XRCC4: variants seen among roughly 807,000 people sequenced by gnomAD.
XRCC4 encodes the protein DNA repair protein XRCC4.
XRCC4 carries 28 observed loss-of-function variants against 39.1 expected under a neutral mutation model. The ratio of observed to expected loss-of-function variants is 0.72; its 90% CI spans 0.53 to 0.98. The LOEUF is 0.98. Among genes scored for constraint, XRCC4 ranks in the 50% least tolerant of loss-of-function variants. The pLI, the probability that XRCC4 is intolerant of heterozygous loss-of-function variation, is 0.00. For missense variants in XRCC4, 350 were observed against 376.4 expected, an observed-to-expected ratio of 0.93 and a Z score of 0.58; for synonymous variants, 123 against 126.4, an observed-to-expected ratio of 0.97 and a Z score of 0.18.
chr5:83,103,950 C>T (rs1471345894), intron 1 of XRCC4, among the ~76,000 whole-genome samples: 1 of 152,200 alleles, frequency 6.6e-6, no homozygotes, highest in Non-Finnish European at 1.5e-5. Flanking sequence ...CAATGTTCTG[C>T]TTCTTGATCT....
intron 7 of XRCC4, among the ~76,000 whole-genome samples, chr5:83,341,232 C>T (rs10061086): frequency 0.029 from 4,329 of 151,806 alleles, 208 homozygotes; most frequent in African/African-American, 0.1. Flanking sequence ...AGAGAATATT[C>T]AGCAAAAGTA....
At position 83,176,032 on chromosome 5, in the gene XRCC4, AAAT is replaced by A. The variant is rs201674012; in HGVS notation, c.316-19719_316-19717del. 5.9e-4 allele frequency among the ~76,000 whole-genome samples: 90 copies of A among 151,690 alleles called. 3 individuals carry two copies. In the East Asian group the frequency reaches 0.015, roughly 26 times the overall value. The stretch of plus-strand genomic sequence containing the variant: ...GACAGAGTGAGACCCTGTCTATATA[AAAT>A]AATAATAATAATAATAATGATTTAA... On this transcript the variant is annotated intron_variant, in intron 3 of 7. Transcript: ENST00000396027.
chr5:83,206,038 G>T (rs1189964407), intron 6 of XRCC4, among the ~76,000 whole-genome samples: 1 of 152,156 alleles, frequency 6.6e-6, no homozygotes, highest in African/African-American at 2.4e-5. Flanking sequence ...TAGGAAATGA[G>T]ATGAGAGAGA....
intron 3 of XRCC4, among the ~76,000 whole-genome samples, chr5:83,174,552 A>G (rs1366710574): frequency 6.6e-6 from 1 of 152,190 alleles, no homozygotes; most frequent in Non-Finnish European, 1.5e-5. Flanking sequence ...CTATTTGAAC[A>G]TTTTTTGGCC....
intron 6 of XRCC4, among the ~76,000 whole-genome samples, chr5:83,256,594 T>A (rs998348025): frequency 1.3e-5 from 2 of 151,896 alleles, no homozygotes; most frequent in Non-Finnish European, 2.9e-5. Context: ...ATTAGTCATC[T>A]CTTAGCTTAA....
rs1458486332 is a variant in XRCC4 at position 83,203,659 on chromosome 5, A to G, written c.590A>G (p.Lys197Arg). 6.2e-7 allele frequency: 1 copy of G among 1,610,324 alleles called. No homozygotes were observed. Among genetic ancestry groups the G allele is most frequent in the Non-Finnish European group, 8.5e-7 (1 of 1,178,574 alleles). The change falls in exon 5 of 8, where the codon AAA (lysine) becomes AGA (arginine). Residue 197 changes from lysine (K) to arginine (R), a missense_variant. By Grantham distance (26) the Lys-to-Arg change is conservative. Transcript: ENST00000396027. ...KKTKIRSLHN[K>R]LLNAAQEREK... ...ACAAAAATCAGAAGTTTGCATAATA[A>G]ATTATTAAATGCAGCTCAAGAACGA...
At chr5:83,141,966 T>G (rs1270153101) in intron 3 of XRCC4, among the ~76,000 whole-genome samples, 1 of 152,228 alleles carries the variant, frequency 6.6e-6, no homozygotes, top group Non-Finnish European at 1.5e-5. Flanking sequence ...ACACCTACTG[T>G]CTTCTGGAAA....
intron 1 of XRCC4, among the ~76,000 whole-genome samples, chr5:83,088,517 TTAAG>T (rs1417048936): frequency 6.9e-6 from 1 of 144,852 alleles, no homozygotes; most frequent in Non-Finnish European, 1.5e-5. Flanking sequence ...TTAAAACATA[TTAAG>T]TGACTATGAA....
intron 3 of XRCC4, among the ~76,000 whole-genome samples, chr5:83,165,509 A>G (rs1043536859): frequency 6.6e-6 from 1 of 152,166 alleles, no homozygotes; most frequent in African/African-American, 2.4e-5. Flanking sequence ...TCAGTGTTAC[A>G]TGTGCAGCTT....
chr5:83,131,210 C>G (rs1747560302), intron 3 of XRCC4, among the ~76,000 whole-genome samples: 1 of 152,108 alleles, frequency 6.6e-6, no homozygotes, highest in East Asian at 1.9e-4. Context: ...TTTATTTCTG[C>G]CTTCATTTTG....
intron 3 of XRCC4, among the ~76,000 whole-genome samples, chr5:83,148,719 A>G (rs1188184005): frequency 6.6e-6 from 1 of 152,096 alleles, no homozygotes; most frequent in Non-Finnish European, 1.5e-5. Context: ...TATGCATTGT[A>G]TTAGGTGCTT....
At chr5:83,168,414 T>C (rs533392218) in intron 3 of XRCC4, among the ~76,000 whole-genome samples, 1 of 152,158 alleles carries the variant, frequency 6.6e-6, no homozygotes, top group Admixed American at 6.5e-5. Context: ...AATTCAGAAA[T>C]ACAAAATCAC....
At chr5:83,365,716 A>G in the XRCC4 span, among the ~76,000 whole-genome samples, 1 of 152,214 alleles carries the variant, frequency 6.6e-6, no homozygotes, top group Admixed American at 6.5e-5. Context: ...CATTATTAGG[A>G]AATAGTCTCT....
At chr5:83,337,048 TA>T (rs1331313104) in intron 7 of XRCC4, among the ~76,000 whole-genome samples, 2 of 152,176 alleles carry the variant, frequency 1.3e-5, no homozygotes, top group African/African-American at 4.8e-5. Context: ...AAAAAGTTTA[TA>T]ATGTTGTCCT....
intron 7 of XRCC4, among the ~76,000 whole-genome samples, chr5:83,297,471 C>CT (rs1201896328): frequency 2.6e-5 from 4 of 151,868 alleles, no homozygotes; most frequent in Non-Finnish European, 5.9e-5. Context: ...AAACGCAATG[C>CT]TTAGGAACAT....
At chr5:83,176,627 A>AT (rs1749970017) in intron 3 of XRCC4, among the ~76,000 whole-genome samples, 5 of 120,912 alleles carry the variant, frequency 4.1e-5, no homozygotes, top group Non-Finnish European at 7.5e-5. Flanking sequence ...AAAGTATTGG[A>AT]ATTTTTTTTT....
At chr5:83,258,810 A>C (rs1753650571) in intron 7 of XRCC4, 133 bp downstream of exon 7, 2 of 1,066,012 alleles carry the variant, frequency 1.9e-6, no homozygotes, top group South Asian at 3.4e-5. Flanking sequence ...GGAATTGTAA[A>C]ATGTTTGAAT....
intron 7 of XRCC4, among the ~76,000 whole-genome samples, chr5:83,323,713 C>G: frequency 6.8e-6 from 1 of 147,848 alleles, no homozygotes; most frequent in East Asian, 2.2e-4. Context: ...GATGTATGAA[C>G]AAAAATATCT....
chr5:83,269,323 G>A (rs1389536737), intron 7 of XRCC4, among the ~76,000 whole-genome samples: 2 of 151,906 alleles, frequency 1.3e-5, no homozygotes, highest in Admixed American at 6.6e-5. Flanking sequence ...AGCACCAAAC[G>A]AAAGAGACCA....
Sources: allele counts gnomAD v4.1 joint callset (sites outside exome capture counted in the v4.1 genomes callset), GRCh38; gene constraint gnomAD v4.1.1; transcripts MANE v1.5; gene names NCBI Gene and HGNC (gene_info 2026-07-23, HGNC 2026-07-21).